ENTPD7: variants seen among roughly 807,000 people sequenced by gnomAD.
ENTPD7 encodes NTPDase 7.
Under a neutral mutation model 77.9 loss-of-function variants are expected in ENTPD7, and 53 were observed. That is an observed-to-expected ratio of 0.68 (90% CI 0.55 to 0.85). The LOEUF (loss-of-function observed/expected upper bound fraction) is 0.85, where lower values mean the gene tolerates loss of function less well. Among genes scored for constraint, ENTPD7 ranks in the 40% least tolerant of loss-of-function variants. The probability of loss-of-function intolerance (pLI) is 0.00; values close to 1 mark genes in which losing one functional copy is unlikely to be tolerated. For synonymous variants in ENTPD7, 248 were observed against 274.9 expected, an observed-to-expected ratio of 0.90 and a Z score of 0.97; for missense variants, 636 against 743.7, an observed-to-expected ratio of 0.86 and a Z score of 1.68.
intron 3 of ENTPD7, among the ~76,000 whole-genome samples, chr10:99,677,885 C>G (rs1404884590): frequency 3.9e-5 from 6 of 152,074 alleles, no homozygotes; most frequent in African/African-American, 1.4e-4. Flanking sequence ...ATTAACTTGC[C>G]TAAGGTCACA....
chr10:99,683,971 A>G (rs2133466920), intron 5 of ENTPD7, among the ~76,000 whole-genome samples: 1 of 152,358 alleles, frequency 6.6e-6, no homozygotes, highest in Middle Eastern at 3.4e-3. Context: ...TTCTAAAAGT[A>G]TAACAGCTGG....
Position 99,708,508 on chromosome 10 carries a change from T to G in ENTPD7, c.*3825T>G, listed in dbSNP as rs1383602531. Reference sequence around the variant, plus strand: ...AGGCCAGTCACTTACCATCTCTGGTTCGGTTCTCATCTATCAAACAAAGAG... The same window carrying G: ...AGGCCAGTCACTTACCATCTCTGGTGCGGTTCTCATCTATCAAACAAAGAG... On this transcript the variant is annotated 3_prime_UTR_variant, in exon 13 of 13. Coordinates refer to ENST00000370489, the MANE Select transcript of ENTPD7 (RefSeq NM_020354.5). Among the ~76,000 whole-genome samples, 1 of 152,198 alleles carries G rather than the reference T, an allele frequency of 6.6e-6. No homozygotes were observed. Among genetic ancestry groups the G allele is most frequent in the Non-Finnish European group, 1.5e-5 (1 of 68,036 alleles).
At chr10:99,660,323 G>A (rs1478294787) in intron 2 of ENTPD7, 2 of 1,193,112 alleles carry the variant, frequency 1.7e-6, no homozygotes, top group African/African-American at 1.6e-5. Context: ...CAGACAGACC[G>A]AGGTCCTTTT....
intron 12 of ENTPD7, 70 bp downstream of exon 12, chr10:99,702,743 C>A: frequency 7.2e-7 from 1 of 1,397,776 alleles, no homozygotes; most frequent in Non-Finnish European, 9.5e-7. Flanking sequence ...GAATCGGTTT[C>A]TTTCTTTTTT....
chr10:99,679,140 T>TA, intron 3 of ENTPD7, 121 bp from the exon 4 acceptor site: 1 of 844,292 alleles, frequency 1.2e-6, no homozygotes, highest in Non-Finnish European at 1.9e-6. Flanking sequence ...TTAGGACTGG[T>TA]AGTCCCATGT....
intron 2 of ENTPD7, among the ~76,000 whole-genome samples, chr10:99,660,963 G>C (rs1482284019): frequency 6.6e-6 from 1 of 151,972 alleles, no homozygotes; most frequent in Non-Finnish European, 1.5e-5. Flanking sequence ...AGTAATGTTT[G>C]CCTCTGAGAG....
Position 99,704,372 on chromosome 10 carries a change from C to T in ENTPD7, c.1584-80C>T, listed in dbSNP as rs191911832. 2.7e-5 allele frequency: 36 copies of T among 1,356,700 alleles called. No homozygotes were observed. In the East Asian group the frequency reaches 8.3e-4, roughly 31 times the overall value. The allele number at this position is 1,356,700 out of a possible 1,614,324, so 84.0% of individuals were successfully genotyped here. A position where few individuals can be genotyped will look rare whatever the true frequency, so the allele number is the denominator to read the frequency against. The stretch of plus-strand genomic sequence containing the variant: ...GGATGGAATAAATGTGATAACACTA[C>T]TGGGCCTTTCAAATCAGTAAATGTC... On this transcript the variant is annotated intron_variant, in intron 12 of 12. Transcript: ENST00000370489.
intron 4 of ENTPD7, 92 bp downstream of exon 4, chr10:99,679,558 G>C: frequency 2.8e-6 from 4 of 1,453,834 alleles, no homozygotes; most frequent in Non-Finnish European, 3.7e-6. Flanking sequence ...CTTTCTTCTT[G>C]AGAGTCTGGG....
intron 12 of ENTPD7, 103 bp downstream of exon 12, chr10:99,702,776 T>A: frequency 9.0e-7 from 1 of 1,110,362 alleles, no homozygotes; most frequent in Non-Finnish European, 1.2e-6. Context: ...TTAGAATAGG[T>A]CTTAAGTGAC....
intron 5 of ENTPD7, among the ~76,000 whole-genome samples, chr10:99,681,958 A>G (rs1389397602): frequency 2.0e-5 from 3 of 152,120 alleles, no homozygotes; most frequent in African/African-American, 7.2e-5. Context: ...TAGTTCGCAA[A>G]TATTTTTTCC....
In ENTPD7 at chr10:99,691,151, T is replaced by G. The variant is rs557092189; in HGVS notation, c.710-234T>G. 2.1e-3 allele frequency among the ~76,000 whole-genome samples: 326 copies of G among 152,212 alleles called. 2 individuals carry two copies. The highest frequency in any genetic ancestry group is 3.4e-3 in the Non-Finnish European group (231 of 68,010). On this transcript the variant is annotated intron_variant, in intron 7 of 12. Transcript: ENST00000370489. Reference sequence around the variant, plus strand: ...ACAGGTGTGCACCACCATGCCCAGCTAATTAAAAAAAATTTTTTTTTTTTA... The same window carrying G: ...ACAGGTGTGCACCACCATGCCCAGCGAATTAAAAAAAATTTTTTTTTTTTA...
At chr10:99,690,424 A>T (rs896942283) in intron 7 of ENTPD7, among the ~76,000 whole-genome samples, 9 of 152,146 alleles carry the variant, frequency 5.9e-5, no homozygotes, top group African/African-American at 2.2e-4. Context: ...GTAAGATTAT[A>T]GGGTGCTATT....
chr10:99,662,821 T>G (rs186113217), intron 3 of ENTPD7, among the ~76,000 whole-genome samples: 1 of 152,342 alleles, frequency 6.6e-6, no homozygotes, highest in East Asian at 1.9e-4. Flanking sequence ...AGGGAGATGG[T>G]ATATGCACCC....
rs2300983 is a variant in ENTPD7 at position 99,709,848 on chromosome 10, G to A, written c.*5165G>A. Reference sequence around the variant, plus strand: ...TTGTCAGTACCGTTATCAGAGGGACGAGGAAGGAATAACACACCAGTTGAC... The same window carrying A: ...TTGTCAGTACCGTTATCAGAGGGACAAGGAAGGAATAACACACCAGTTGAC... On this transcript the variant is annotated 3_prime_UTR_variant, in exon 13 of 13. Coordinates refer to ENST00000370489, the MANE Select transcript of ENTPD7 (RefSeq NM_020354.5). 0.87 allele frequency: 853,855 copies of A among 985,112 alleles called. 370,727 individuals carry two copies. The highest frequency in any genetic ancestry group is 0.9 in the Middle Eastern group (1,718 of 1,914). 61.0% of individuals were successfully genotyped at this position (985,112 alleles called of 1,614,324 possible).
At chr10:99,694,534 T>G (rs568243568) in intron 8 of ENTPD7, among the ~76,000 whole-genome samples, 3 of 63,364 alleles carry the variant, frequency 4.7e-5, no homozygotes, top group Non-Finnish European at 1.0e-4. Context: ...ACATAAGTTT[T>G]TTTGTTTTTT....
At chr10:99,684,772 T>G (rs1466583705) in intron 5 of ENTPD7, among the ~76,000 whole-genome samples, 1 of 152,222 alleles carries the variant, frequency 6.6e-6, no homozygotes, top group East Asian at 1.9e-4. Context: ...TTTCCTTTGC[T>G]TGATAATATT....
intron 3 of ENTPD7, among the ~76,000 whole-genome samples, chr10:99,665,778 C>T (rs1276399569): frequency 2.6e-5 from 4 of 151,918 alleles, no homozygotes; most frequent in Non-Finnish European, 4.4e-5. Flanking sequence ...TGGGCTCAAG[C>T]GATCCTCCTG....
Position 99,709,608 on chromosome 10 carries a change from G to A in ENTPD7, c.*4925G>A, listed in dbSNP as rs1158986997. 2.0e-6 allele frequency: 2 copies of A among 985,298 alleles called. No individual in the cohort carries two copies. The highest frequency in any genetic ancestry group is 1.7e-5 in the African/African-American group (1 of 57,230). The allele number at this position is 985,298 out of a possible 1,614,324, so 61.0% of individuals were successfully genotyped here. A position where few individuals can be genotyped will look rare whatever the true frequency, so the allele number is the denominator to read the frequency against. On this transcript the variant is annotated 3_prime_UTR_variant, in exon 13 of 13. Coordinates refer to ENST00000370489, the MANE Select transcript of ENTPD7 (RefSeq NM_020354.5). ...CTCAAATTGAAAACTTTTAGGTTGTGTTCTTGGCTCATTCTCTCATAACCT... is the reference window on the plus strand; with the variant it reads ...CTCAAATTGAAAACTTTTAGGTTGTATTCTTGGCTCATTCTCTCATAACCT...
At position 99,706,862 on chromosome 10, in the gene ENTPD7, T is replaced by G. The variant is rs2036264127; in HGVS notation, c.*2179T>G. ...ATACTATTTTTGGTTTTTTGTGAGA[T>G]CTAATCAATGATCTAGTCAGAAGCT... On this transcript the variant is annotated 3_prime_UTR_variant, in exon 13 of 13. Transcript: ENST00000370489. Among the ~76,000 whole-genome samples the G allele has an allele frequency of 2.0e-5, 3 of 152,346 alleles. No homozygotes were observed. The highest frequency in any genetic ancestry group is 1.3e-4 in the Admixed American group (2 of 15,302).
Sources: gnomAD v4.1 joint callset for allele counts (sites outside exome capture counted in the v4.1 genomes callset) on GRCh38, gnomAD v4.1.1 for gene constraint, MANE v1.5 for transcripts, NCBI Gene and HGNC (gene_info 2026-07-23, HGNC 2026-07-21) for gene names.